The following LAPTM5 variants were observed in gnomAD, a reference collection of about 807,000 sequenced individuals.
The protein encoded by LAPTM5 is lysosomal protein transmembrane 5.
In LAPTM5, 11 loss-of-function variants were observed where a neutral mutation model predicts 30.1. That is an observed-to-expected ratio of 0.37 (90% CI 0.23 to 0.60). The LOEUF (loss-of-function observed/expected upper bound fraction) is 0.60, where lower values mean the gene tolerates loss of function less well. LAPTM5 is among the 20% of genes least tolerant of loss of function. The pLI is 0.71. For synonymous variants in LAPTM5, 151 were observed against 137.9 expected (o/e 1.10, Z -0.67); for missense variants, 324 against 332.5 (o/e 0.97, Z 0.20).
chr1:30,735,350 C>T, intron 6 of LAPTM5, 85 bp from the exon 7 acceptor site: 2 of 1,069,904 alleles, frequency 1.9e-6, no homozygotes, highest in Non-Finnish European at 2.9e-6. Flanking sequence ...CAGGCAGGAG[C>T]CACCACTCTC....
At chr1:30,750,476 C>T in intron 1 of LAPTM5, among the ~76,000 whole-genome samples, 1 of 152,200 alleles carries the variant, frequency 6.6e-6, no homozygotes, top group Admixed American at 6.5e-5. Context: ...ATAGGGAGGG[C>T]CGACTGACCA....
In LAPTM5 at chr1:30,733,448, A is replaced by G; in HGVS notation, c.*380T>C. On this transcript the variant is annotated 3_prime_UTR_variant, in exon 8 of 8. Coordinates refer to ENST00000294507, the MANE Select transcript of LAPTM5 (RefSeq NM_006762.3). ...CAATAGACTGTTGTTTGACCAAATT[A>G]TTTTACTGAACTGACAAGTGGGTTT... 1.7e-6 allele frequency: 2 copies of G among 1,184,142 alleles called. No individual in the cohort carries two copies. Among genetic ancestry groups the G allele is most frequent in the Non-Finnish European group, 2.2e-6 (2 of 912,752 alleles). 73.4% of individuals were successfully genotyped at this position (1,184,142 alleles called of 1,614,324 possible).
intron 1 of LAPTM5, among the ~76,000 whole-genome samples, chr1:30,754,219 C>T (rs535528199): frequency 3.3e-5 from 5 of 151,966 alleles, no homozygotes; most frequent in African/African-American, 9.7e-5. Context: ...AAAGCCAGGA[C>T]CCAAGAGACC....
chr1:30,754,181 C>CGACTTA (rs890634819), intron 1 of LAPTM5, among the ~76,000 whole-genome samples: 2 of 151,934 alleles, frequency 1.3e-5, no homozygotes, highest in African/African-American at 4.8e-5. Flanking sequence ...TTTCTACCAT[C>CGACTTA]GACTTAGAAC....
intron 1 of LAPTM5, among the ~76,000 whole-genome samples, chr1:30,750,499 T>G (rs1189440306): frequency 6.6e-6 from 1 of 152,198 alleles, no homozygotes; most frequent in Non-Finnish European, 1.5e-5. Context: ...CACTCTCTCG[T>G]GTCAACCTCG....
chr1:30,753,227 A>G (rs1380080410), intron 1 of LAPTM5, among the ~76,000 whole-genome samples: 1 of 152,190 alleles, frequency 6.6e-6, no homozygotes, highest in Non-Finnish European at 1.5e-5. Context: ...AACTGGGAGT[A>G]CAGACAAATC....
At chr1:30,749,811 G>A (rs564977538) in intron 1 of LAPTM5, among the ~76,000 whole-genome samples, 6 of 152,354 alleles carry the variant, frequency 3.9e-5, no homozygotes, top group Admixed American at 3.3e-4. Flanking sequence ...ACGGCAAGAC[G>A]TTCCTCTTAG....
chr1:30,733,946 G>A, intron 7 of LAPTM5, 29 bp from the exon 8 acceptor site: 1 of 1,603,204 alleles, frequency 6.2e-7, no homozygotes, highest in East Asian at 2.2e-5. Context: ...TGAGGGCTGA[G>A]TATGGTCAAG....
At chr1:30,753,708 G>A (rs1640170045) in intron 1 of LAPTM5, among the ~76,000 whole-genome samples, 1 of 152,280 alleles carries the variant, frequency 6.6e-6, no homozygotes, top group South Asian at 2.1e-4. Flanking sequence ...ATGCAATCTT[G>A]GAACAGAAAA....
chr1:30,732,571 ACCC>A lies in LAPTM5; in HGVS notation c.*1254_*1256del, dbSNP rs893974504. 1 of 151,340 alleles carries A rather than the reference ACCC, an allele frequency of 6.6e-6. No individual in the cohort carries two copies. The highest frequency in any genetic ancestry group is 6.6e-5 in the Admixed American group (1 of 15,216). 9.4% of individuals were successfully genotyped at this position (151,340 alleles called of 1,614,324 possible). A position where few individuals can be genotyped will look rare whatever the true frequency, so the allele number is the denominator to read the frequency against. ...CTCTTGCAGAGCCTTCTCCCTCTGT[ACCC>A]CCCGACAGTCCCCAGAGACCCTGCC... On this transcript the variant is annotated 3_prime_UTR_variant, in exon 8 of 8. Coordinates refer to ENST00000294507, the MANE Select transcript of LAPTM5 (RefSeq NM_006762.3).
Position 30,733,220 on chromosome 1 carries a change from CGTG to C in LAPTM5, c.*605_*607del, listed in dbSNP as rs1639835917. 6.0e-6 allele frequency: 1 copy of C among 167,126 alleles called. No homozygotes were observed. Among genetic ancestry groups the C allele is most frequent in the Non-Finnish European group, 1.3e-5 (1 of 76,970 alleles). The allele number at this position is 167,126 out of a possible 1,614,324, so 10.4% of individuals were successfully genotyped here. A position where few individuals can be genotyped will look rare whatever the true frequency, so the allele number is the denominator to read the frequency against. On this transcript the variant is annotated 3_prime_UTR_variant, in exon 8 of 8. Coordinates refer to ENST00000294507, the MANE Select transcript of LAPTM5 (RefSeq NM_006762.3). ...TTGAATTAAATGGTTTGGAGGCTAA[CGTG>C]ATTTTTTAAATTGAATTTCATCACT...
At position 30,746,347 on chromosome 1, in the gene LAPTM5, AG is replaced by A. The variant is rs1193891790; in HGVS notation, c.88-3799del. 5.9e-5 allele frequency: 9 copies of A among 152,706 alleles called. No homozygotes were observed. The highest frequency in any genetic ancestry group is 2.2e-4 in the African/African-American group (9 of 41,442). 9.5% of individuals were successfully genotyped at this position (152,706 alleles called of 1,614,324 possible). ...CAGGGCCAGCACCCTGCCCCTCAGA[AG>A]GCCCTCACTGCCCCACCCATGTCCC... is the stretch of plus-strand genomic sequence containing the variant. On this transcript the variant is annotated intron_variant, in intron 1 of 7. Transcript: ENST00000294507. This position sits in a 1 kb window ranked among gnomAD's most constrained non-coding sequence, Gnocchi z 4.0.
chr1:30,742,471 C>T lies in LAPTM5; in HGVS notation c.166G>A (p.Gly56Ser). Residue 56 changes from glycine to serine, a missense_variant, in exon 2 of 8, where the codon GGC becomes AGC. Gly to Ser is a moderately conservative substitution (Grantham distance 56, BLOSUM62 0). Transcript: ENST00000294507. ...CTGGACCTACCGATCCTGAGGTAGC[C>T]CATCTGGGAGAGCTTGCAGGACGCC... ...GKASCKLSQM[G>S]YLRIADLISS... 6.2e-7 allele frequency: 1 copy of T among 1,613,198 alleles called. No individual in the cohort carries two copies. The highest frequency in any genetic ancestry group is 8.5e-7 in the Non-Finnish European group (1 of 1,179,666).
rs776985936 is a variant in LAPTM5, at chr1:30,746,890, A to G, written c.88-4341T>C. On this transcript the variant is annotated intron_variant, in intron 1 of 7. Coordinates refer to ENST00000294507, the MANE Select transcript of LAPTM5 (RefSeq NM_006762.3). The surrounding 1 kb of genome is among the most constrained non-coding windows in gnomAD (Gnocchi z 4.0). ...CGGGCACACAGCAGGTGCACCATAA[A>G]CAAGCACAATTGGGTGGTGGTTTTT... is the stretch of plus-strand genomic sequence containing the variant. Among the ~76,000 whole-genome samples the G allele has an allele frequency of 1.3e-5, 2 of 152,168 alleles. No individual in the cohort carries two copies. The highest frequency in any genetic ancestry group is 2.9e-5 in the Non-Finnish European group (2 of 68,026).
rs746831429 is a variant in LAPTM5, at chr1:30,757,765, C to G, written c.-20G>C. 8.1e-6 allele frequency: 13 copies of G among 1,609,434 alleles called. No individual in the cohort carries two copies. The highest frequency in any genetic ancestry group is 1.3e-5 in the African/African-American group (1 of 74,904). ...GTCCATGGTGCTGCCGTCCCCTCCT[C>G]TGAGACACTGAAGGGGAAAGAGCCT... is the stretch of plus-strand genomic sequence containing the variant. On this transcript the variant is annotated 5_prime_UTR_variant, in exon 1 of 8. Transcript: ENST00000294507.
intron 1 of LAPTM5, among the ~76,000 whole-genome samples, chr1:30,749,617 G>A (rs1220282969): frequency 6.6e-6 from 1 of 152,166 alleles, no homozygotes; most frequent in African/African-American, 2.4e-5. Context: ...ACGACTCCCA[G>A]GGACCCAGCA....
intron 1 of LAPTM5, among the ~76,000 whole-genome samples, chr1:30,753,026 C>T (rs1322360337): frequency 2.6e-5 from 4 of 151,992 alleles, no homozygotes; most frequent in African/African-American, 9.7e-5. Flanking sequence ...AAGTGATCCA[C>T]CCGCCTCAAC....
At chr1:30,749,377 G>C (rs1640096959) in intron 1 of LAPTM5, among the ~76,000 whole-genome samples, 1 of 152,146 alleles carries the variant, frequency 6.6e-6, no homozygotes, top group Non-Finnish European at 1.5e-5. Context: ...CTGGGTGCTG[G>C]TCTGATTTCT....
intron 5 of LAPTM5, among the ~76,000 whole-genome samples, chr1:30,738,172 C>T (rs569630883): frequency 4.4e-4 from 67 of 152,222 alleles, no homozygotes; most frequent in Non-Finnish European, 7.2e-4. Flanking sequence ...TTCTTTGAGA[C>T]GCCTCCCTTC....
Sources: allele counts gnomAD v4.1 joint callset (sites outside exome capture counted in the v4.1 genomes callset), GRCh38; gene constraint gnomAD v4.1.1; non-coding constraint Gnocchi (gnomAD v3.1); transcripts MANE v1.5; gene names NCBI Gene and HGNC (gene_info 2026-07-23, HGNC 2026-07-21).